ASB18: variants seen among roughly 807,000 people sequenced by gnomAD.
ASB18 encodes ankyrin repeat and SOCS box containing 18, also known as ankyrin repeat and SOCS box protein 18.
Under a neutral mutation model 33.4 loss-of-function variants are expected in ASB18, and 33 were observed. The ratio of observed to expected loss-of-function variants is 0.99; its 90% CI spans 0.75 to 1.32. The LOEUF is 1.32. Among genes scored for constraint, ASB18 ranks in the 40% most tolerant of loss-of-function variants. The probability of loss-of-function intolerance (pLI) is 0.00; values close to 1 mark genes in which losing one functional copy is unlikely to be tolerated. For missense variants in ASB18, 694 were observed against 655.5 expected (o/e 1.06, Z -0.64); for synonymous variants, 295 against 307.6 (o/e 0.96, Z 0.43).
rs2060675331 is a variant in ASB18 at position 236,253,134 on chromosome 2, A to G, written c.205+11007T>C. On this transcript the variant is annotated intron_variant, in intron 1 of 5. Transcript: ENST00000409749. This position sits in a 1 kb window ranked among gnomAD's most constrained non-coding sequence, Gnocchi z 5.4. Reference sequence around the variant, plus strand: ...CCTGCCAAACTCCAGTCAGCACCCAACGCTGACCCCTGAGCTCACGAGCCA... The same window carrying G: ...CCTGCCAAACTCCAGTCAGCACCCAGCGCTGACCCCTGAGCTCACGAGCCA... Among the ~76,000 whole-genome samples, 2 of 152,078 alleles carry G rather than the reference A, an allele frequency of 1.3e-5. No individual in the cohort carries two copies. Among genetic ancestry groups the G allele is most frequent in the Admixed American group, 1.3e-4 (2 of 15,266 alleles).
chr2:236,222,757 C>T lies in ASB18; in HGVS notation c.597-7891G>A, dbSNP rs925255137. 2.6e-5 allele frequency among the ~76,000 whole-genome samples: 4 copies of T among 152,180 alleles called. No homozygotes were observed. Among genetic ancestry groups the T allele is most frequent in the East Asian group, 1.9e-4 (1 of 5,188 alleles). Reference sequence around the variant, plus strand: ...TGTGGCAGCCAGGTGTGGTGGCTCACGCCTGTAATCCCAACACTTTGGGAG... The same window carrying T: ...TGTGGCAGCCAGGTGTGGTGGCTCATGCCTGTAATCCCAACACTTTGGGAG... On this transcript the variant is annotated intron_variant, in intron 3 of 5. Transcript: ENST00000409749. The surrounding 1 kb of genome is among the most constrained non-coding windows in gnomAD (Gnocchi z 5.5).
Position 236,221,412 on chromosome 2 carries a change from T to G in ASB18, c.597-6546A>C, listed in dbSNP as rs1327211772. Among the ~76,000 whole-genome samples the G allele has an allele frequency of 6.6e-6, 1 of 152,198 alleles. No individual in the cohort carries two copies. Among genetic ancestry groups the G allele is most frequent in the Non-Finnish European group, 1.5e-5 (1 of 68,034 alleles). On this transcript the variant is annotated intron_variant, in intron 3 of 5. Transcript: ENST00000409749. This position sits in a 1 kb window ranked among gnomAD's most constrained non-coding sequence, Gnocchi z 5.6. ...CTCACCTTGAGTTTTACTCCCATAA[T>G]TCCCATGTGTTGTGGGAGGGACCCG...
intron 3 of ASB18, among the ~76,000 whole-genome samples, chr2:236,218,633 C>T (rs2060498466): frequency 6.6e-6 from 1 of 151,798 alleles, no homozygotes; most frequent in South Asian, 2.1e-4. Flanking sequence ...CCCGTCTCTA[C>T]TAAAAATACA....
intron 3 of ASB18, among the ~76,000 whole-genome samples, chr2:236,232,734 CAAAA>C (rs1265713153): frequency 6.7e-6 from 1 of 149,368 alleles, no homozygotes; most frequent in South Asian, 2.1e-4. Context: ...AAAGCTCACT[CAAAA>C]AAAAAGAAAT....
At position 236,217,490 on chromosome 2, in the gene ASB18, CAGTGCCTATCAT is replaced by C. The variant is rs2060493502; in HGVS notation, c.597-2636_597-2625del. Among the ~76,000 whole-genome samples the C allele has an allele frequency of 6.6e-6, 1 of 152,100 alleles. No individual in the cohort carries two copies. Among genetic ancestry groups the C allele is most frequent in the Admixed American group, 6.5e-5 (1 of 15,278 alleles). The stretch of plus-strand genomic sequence containing the variant: ...GGAGGCTTTGTTTATCTCTGATTCC[CAGTGCCTATCAT>C]AGTGCCTATCACACTATTGGTATTC... On this transcript the variant is annotated intron_variant, in intron 3 of 5. Transcript: ENST00000409749. This position sits in a 1 kb window ranked among gnomAD's most constrained non-coding sequence, Gnocchi z 5.2.
rs73133344 is a variant in ASB18, at chr2:236,193,820, A to T, written c.*1052T>A. ...AAGAAACAAGACTGATTCCTGGGCA[A>T]GGCCACTGTCTGTATGGGTTTTCTC... On this transcript the variant is annotated 3_prime_UTR_variant, in exon 6 of 6. Transcript: ENST00000409749. The surrounding 1 kb of genome is among the most constrained non-coding windows in gnomAD (Gnocchi z 5.0). Among the ~76,000 whole-genome samples the T allele has an allele frequency of 0.062, 9,498 of 152,214 alleles. 730 individuals are homozygous for T. Among genetic ancestry groups the T allele is most frequent in the African/African-American group, 0.19 (7,747 of 41,520 alleles).
Position 236,193,702 on chromosome 2 carries a change from A to G in ASB18, c.*1170T>C, listed in dbSNP as rs2060357877. On this transcript the variant is annotated 3_prime_UTR_variant, in exon 6 of 6. Transcript: ENST00000409749. This position sits in a 1 kb window ranked among gnomAD's most constrained non-coding sequence, Gnocchi z 5.0. ...TCCCAGCTACCAGGAAGGCTGAAGC[A>G]GGAGAATTGCTTGAACCTGGGAGGC... Among the ~76,000 whole-genome samples the G allele has an allele frequency of 1.3e-5, 2 of 152,226 alleles. No individual in the cohort carries two copies. Among genetic ancestry groups the G allele is most frequent in the Admixed American group, 1.3e-4 (2 of 15,288 alleles).
rs1348954005 is a variant in ASB18 at position 236,253,582 on chromosome 2, C to A, written c.205+10559G>T. Among the ~76,000 whole-genome samples the A allele has an allele frequency of 6.6e-6, 1 of 151,682 alleles. No homozygotes were observed. Among genetic ancestry groups the A allele is most frequent in the Non-Finnish European group, 1.5e-5 (1 of 67,962 alleles). On this transcript the variant is annotated intron_variant, in intron 1 of 5. Coordinates refer to ENST00000409749, the MANE Select transcript of ASB18 (RefSeq NM_212556.4). This position sits in a 1 kb window ranked among gnomAD's most constrained non-coding sequence, Gnocchi z 5.4. Reference sequence around the variant, plus strand: ...TTATTATTGTGGTGGGAGATGGGGTCTCACTGTGTTGCCCAGGCTGGTCTC... The same window carrying A: ...TTATTATTGTGGTGGGAGATGGGGTATCACTGTGTTGCCCAGGCTGGTCTC...
chr2:236,194,931 G>T lies in ASB18; in HGVS notation c.1342C>A (p.Pro448Thr). 1 of 1,613,872 alleles carries T rather than the reference G, an allele frequency of 6.2e-7. No individual in the cohort carries two copies. The highest frequency in any genetic ancestry group is 8.5e-7 in the Non-Finnish European group (1 of 1,179,850). Residue 448 changes from proline (P) to threonine (T), a missense_variant, in exon 6 of 6, where the codon CCC becomes ACC. Physicochemically the swap from Pro to Thr is conservative, Grantham distance 38 (BLOSUM62 -1). Coordinates refer to ENST00000409749, the MANE Select transcript of ASB18 (RefSeq NM_212556.4). This position sits in a 1 kb window ranked among gnomAD's most constrained non-coding sequence, Gnocchi z 4.5. Reference protein sequence around the residue: ...KRCFDLIPLLPLPKPLQNYLL... With the variant: ...KRCFDLIPLLTLPKPLQNYLL... ...TAATTCTGCAGGGGCTTTGGCAAGGGTAACAGGGGGATGAGGTCAAAGCAC... is the reference window on the plus strand; with the variant it reads ...TAATTCTGCAGGGGCTTTGGCAAGGTTAACAGGGGGATGAGGTCAAAGCAC...
chr2:236,263,455 C>T lies in ASB18; in HGVS notation c.205+686G>A, dbSNP rs981845352. On this transcript the variant is annotated intron_variant, in intron 1 of 5. Transcript: ENST00000409749. This position sits in a 1 kb window ranked among gnomAD's most constrained non-coding sequence, Gnocchi z 4.0. The stretch of plus-strand genomic sequence containing the variant: ...ACAAACATTCATTACCAGTGATGCT[C>T]CTTGGTGAGGTTGTGGTGAAACACA... Among the ~76,000 whole-genome samples the T allele has an allele frequency of 7.2e-5, 11 of 152,170 alleles. No individual in the cohort carries two copies. The highest frequency in any genetic ancestry group is 1.5e-4 in the Non-Finnish European group (10 of 68,036).
chr2:236,201,047 G>T (rs1426440987), intron 4 of ASB18, among the ~76,000 whole-genome samples: 2 of 152,124 alleles, frequency 1.3e-5, no homozygotes, highest in African/African-American at 4.8e-5. Flanking sequence ...TTTCAAAATG[G>T]TATAAATTTC....
Position 236,260,108 on chromosome 2 carries a change from A to T in ASB18, c.205+4033T>A, listed in dbSNP as rs1205729988. On this transcript the variant is annotated intron_variant, in intron 1 of 5. Transcript: ENST00000409749. The surrounding 1 kb of genome is among the most constrained non-coding windows in gnomAD (Gnocchi z 5.1). The stretch of plus-strand genomic sequence containing the variant: ...CAAGAGGCAAGGTCCTCAAGTGATC[A>T]TGTTAACATGCAGAGCGAATGGTTA... 5.3e-5 allele frequency among the ~76,000 whole-genome samples: 8 copies of T among 152,254 alleles called. No homozygotes were observed. Among genetic ancestry groups the T allele is most frequent in the Non-Finnish European group, 1.2e-4 (8 of 68,046 alleles).
rs1277928955 is a variant in ASB18, at chr2:236,248,756, C to T, written c.206-7354G>A. The T allele has an allele frequency of 2.6e-5, 4 of 152,118 alleles. No individual in the cohort carries two copies. Among genetic ancestry groups the T allele is most frequent in the Admixed American group, 6.6e-5 (1 of 15,266 alleles). 9.4% of individuals were successfully genotyped at this position (152,118 alleles called of 1,614,324 possible). On this transcript the variant is annotated intron_variant, in intron 1 of 5. Coordinates refer to ENST00000409749, the MANE Select transcript of ASB18 (RefSeq NM_212556.4). This position sits in a 1 kb window ranked among gnomAD's most constrained non-coding sequence, Gnocchi z 4.9. ...TTACCCCATTTTGTGTGATACATAT[C>T]GTGATTTGAATGAATTTGTGGAAGG... is the stretch of plus-strand genomic sequence containing the variant.
At position 236,243,380 on chromosome 2, in the gene ASB18, C is replaced by T. The variant is rs1162645940; in HGVS notation, c.206-1978G>A. Among the ~76,000 whole-genome samples the T allele has an allele frequency of 2.0e-5, 3 of 150,918 alleles. No homozygotes were observed. In the East Asian group the frequency reaches 5.8e-4, roughly 29 times the overall value. ...ACTACCTGAAATAAGTGAAGCTTGT[C>T]TTTCTCGGTTTGAAGAGTGTCTTTT... On this transcript the variant is annotated intron_variant, in intron 1 of 5. Coordinates refer to ENST00000409749, the MANE Select transcript of ASB18 (RefSeq NM_212556.4).
At chr2:236,218,664 G>A (rs2060498553) in intron 3 of ASB18, among the ~76,000 whole-genome samples, 1 of 151,786 alleles carries the variant, frequency 6.6e-6, no homozygotes, top group African/African-American at 2.4e-5. Context: ...TAGGTGTGGT[G>A]GTGGGTGCAT....
In ASB18 at chr2:236,255,548, A is replaced by G. The variant is rs974500755; in HGVS notation, c.205+8593T>C. Among the ~76,000 whole-genome samples, 8 of 152,202 alleles carry G rather than the reference A, an allele frequency of 5.3e-5. No individual in the cohort carries two copies. Among genetic ancestry groups the G allele is most frequent in the Admixed American group, 2.0e-4 (3 of 15,280 alleles). ...GCCACAGGGATTTTGCTGGTAAAGC[A>G]GGAGAGGAGGGTGGCTGTGAGGGAA... On this transcript the variant is annotated intron_variant, in intron 1 of 5. Transcript: ENST00000409749. The surrounding 1 kb of genome is among the most constrained non-coding windows in gnomAD (Gnocchi z 4.4).
rs1559331477 is a variant in ASB18 at position 236,220,816 on chromosome 2, A to T, written c.597-5950T>A. Among the ~76,000 whole-genome samples, 1 of 152,092 alleles carries T rather than the reference A, an allele frequency of 6.6e-6. No individual in the cohort carries two copies. Among genetic ancestry groups the T allele is most frequent in the Non-Finnish European group, 1.5e-5 (1 of 68,012 alleles). ...TTCTAGGCGTTTTCCACAAGTTATG[A>T]GTGACCTTTTCATTCATTCAATAAG... is the stretch of plus-strand genomic sequence containing the variant. On this transcript the variant is annotated intron_variant, in intron 3 of 5. Coordinates refer to ENST00000409749, the MANE Select transcript of ASB18 (RefSeq NM_212556.4). The surrounding 1 kb of genome is among the most constrained non-coding windows in gnomAD (Gnocchi z 5.1).
Position 236,215,930 on chromosome 2 carries a change from A to G in ASB18, c.597-1064T>C, listed in dbSNP as rs1185575513. 6.6e-6 allele frequency among the ~76,000 whole-genome samples: 1 copy of G among 152,010 alleles called. No homozygotes were observed. Among genetic ancestry groups the G allele is most frequent in the Non-Finnish European group, 1.5e-5 (1 of 67,988 alleles). On this transcript the variant is annotated intron_variant, in intron 3 of 5. Transcript: ENST00000409749. The surrounding 1 kb of genome is among the most constrained non-coding windows in gnomAD (Gnocchi z 7.2). ...CCAATGCCTGTTGGTCCTACTTGCC[A>G]TCTTTGCTCTATGGAGACCTGAGCC...
In ASB18 at chr2:236,248,857, C is replaced by T. The variant is rs1157943114; in HGVS notation, c.206-7455G>A. ...GGTCTCCACAGGTCAGAGCAACAGG[C>T]CGATTCAATCAATGCCACCAGGCAG... On this transcript the variant is annotated intron_variant, in intron 1 of 5. Coordinates refer to ENST00000409749, the MANE Select transcript of ASB18 (RefSeq NM_212556.4). The surrounding 1 kb of genome is among the most constrained non-coding windows in gnomAD (Gnocchi z 4.9). The T allele has an allele frequency of 1.3e-5, 2 of 152,192 alleles. No homozygotes were observed. The highest frequency in any genetic ancestry group is 2.9e-5 in the Non-Finnish European group (2 of 68,048). 9.4% of individuals were successfully genotyped at this position (152,192 alleles called of 1,614,324 possible). A position where few individuals can be genotyped will look rare whatever the true frequency, so the allele number is the denominator to read the frequency against.
Sources: allele counts gnomAD v4.1 joint callset (sites outside exome capture counted in the v4.1 genomes callset), GRCh38; gene constraint gnomAD v4.1.1; non-coding constraint Gnocchi (gnomAD v3.1); transcripts MANE v1.5; gene names NCBI Gene and HGNC (gene_info 2026-07-23, HGNC 2026-07-21).